Variants in SERGEF observed in about 807,000 individuals in gnomAD.
The protein encoded by SERGEF is secretion-regulating guanine nucleotide exchange factor.
SERGEF carries 51 observed loss-of-function variants against 50.0 expected under a neutral mutation model. That is an observed-to-expected ratio of 1.02 (90% confidence interval 0.81 to 1.29). SERGEF has a LOEUF of 1.29. Ranked by LOEUF, SERGEF falls within the 50% of genes most tolerant of loss-of-function variation. SERGEF has a pLI of 0.00. For missense variants in SERGEF, 521 were observed against 557.0 expected (o/e 0.94, Z 0.65); for synonymous variants, 205 against 212.4 (o/e 0.97, Z 0.30).
intron 10 of SERGEF, among the ~76,000 whole-genome samples, chr11:17,848,827 C>A (rs1448823775): frequency 6.6e-6 from 1 of 152,130 alleles, no homozygotes; most frequent in East Asian, 1.9e-4. Flanking sequence ...ATCTTCAAGG[C>A]TCTTGATAAT....
At chr11:17,902,336 G>A (rs944370822) in intron 9 of SERGEF, among the ~76,000 whole-genome samples, 1 of 152,196 alleles carries the variant, frequency 6.6e-6, no homozygotes. Flanking sequence ...AGGACCAGAA[G>A]ATCACTAAGA....
intron 9 of SERGEF, among the ~76,000 whole-genome samples, chr11:17,918,366 C>T (rs895144392): frequency 6.6e-6 from 1 of 152,312 alleles, no homozygotes; most frequent in Non-Finnish European, 1.5e-5. Flanking sequence ...AATTACAGCA[C>T]CAGAAGGTAG....
chr11:17,808,522 C>T (rs1849806340), intron 10 of SERGEF, among the ~76,000 whole-genome samples: 2 of 152,224 alleles, frequency 1.3e-5, no homozygotes, highest in Admixed American at 1.3e-4. Context: ...CAAGAGGGAT[C>T]TGCCCTCATG....
intron 8 of SERGEF, among the ~76,000 whole-genome samples, chr11:17,964,588 A>G (rs551546886): frequency 2.6e-5 from 4 of 152,348 alleles, no homozygotes; most frequent in African/African-American, 9.6e-5. Context: ...GATGTTATAA[A>G]AAGAAAATCC....
intron 9 of SERGEF, among the ~76,000 whole-genome samples, chr11:17,886,836 C>A (rs1851439148): frequency 6.6e-6 from 1 of 152,156 alleles, no homozygotes; most frequent in South Asian, 2.1e-4. Context: ...ATGTCTTCAT[C>A]ATAAATGGCC....
At chr11:17,881,048 G>A (rs192544425) in intron 9 of SERGEF, among the ~76,000 whole-genome samples, 1 of 152,246 alleles carries the variant, frequency 6.6e-6, no homozygotes, top group East Asian at 1.9e-4. Flanking sequence ...GCTTATTTGA[G>A]ACATAAGGAG....
In SERGEF at chr11:18,007,870, G is replaced by A; in HGVS notation, c.196+71C>T. 2 of 1,407,958 alleles carry A rather than the reference G, an allele frequency of 1.4e-6. 1 individual carries two copies. Among genetic ancestry groups the A allele is most frequent in the South Asian group, 2.8e-5 (2 of 72,584 alleles). The allele number at this position is 1,407,958 out of a possible 1,614,324, so 87.2% of individuals were successfully genotyped here. A position where few individuals can be genotyped will look rare whatever the true frequency, so the allele number is the denominator to read the frequency against. Reference sequence around the variant, plus strand: ...TGCAAAATACAAAAGGCTGAAAGATGGCAATATCATATCCAGGGGAAAACG... The same window carrying A: ...TGCAAAATACAAAAGGCTGAAAGATAGCAATATCATATCCAGGGGAAAACG... On this transcript the variant is annotated intron_variant, in intron 2 of 10. Transcript: ENST00000265965.
intron 9 of SERGEF, among the ~76,000 whole-genome samples, chr11:17,887,203 G>A (rs1436488799): frequency 6.6e-6 from 1 of 152,080 alleles, no homozygotes; most frequent in African/African-American, 2.4e-5. Flanking sequence ...AGTTGCCTTG[G>A]GTTCTAAATG....
intron 9 of SERGEF, among the ~76,000 whole-genome samples, chr11:17,940,313 G>A (rs1162886583): frequency 6.6e-6 from 1 of 152,088 alleles, no homozygotes; most frequent in Non-Finnish European, 1.5e-5. Flanking sequence ...AGGAAAAGAC[G>A]GTGCATGGTG....
chr11:17,911,559 C>T (rs1293680838), intron 9 of SERGEF, among the ~76,000 whole-genome samples: 2 of 151,700 alleles, frequency 1.3e-5, no homozygotes, highest in East Asian at 3.9e-4. Flanking sequence ...AGCACGATGG[C>T]TCACTGTAAT....
At chr11:17,847,342 T>G (rs1850632806) in intron 10 of SERGEF, among the ~76,000 whole-genome samples, 1 of 152,070 alleles carries the variant, frequency 6.6e-6, no homozygotes, top group Non-Finnish European at 1.5e-5. Context: ...CTGGGGTTCC[T>G]TTATTTGGGG....
intron 9 of SERGEF, among the ~76,000 whole-genome samples, chr11:17,936,573 G>A (rs1002927754): frequency 2.2e-4 from 33 of 152,020 alleles, no homozygotes; most frequent in Middle Eastern, 3.4e-3. Flanking sequence ...TTCTAATAAA[G>A]AAGGCTGGCC....
At chr11:17,902,521 C>G (rs2133921566) in intron 9 of SERGEF, among the ~76,000 whole-genome samples, 1 of 152,262 alleles carries the variant, frequency 6.6e-6, no homozygotes, top group Non-Finnish European at 1.5e-5. Flanking sequence ...AGCTGAATCA[C>G]AGAGAACCCC....
At chr11:17,799,354 G>T (rs1433254345) in intron 10 of SERGEF, among the ~76,000 whole-genome samples, 1 of 152,194 alleles carries the variant, frequency 6.6e-6, no homozygotes, top group African/African-American at 2.4e-5. Context: ...GTTTCTGGAG[G>T]ACTTGTTCTC....
At chr11:17,977,155 T>C (rs1045481833) in intron 8 of SERGEF, among the ~76,000 whole-genome samples, 6 of 152,340 alleles carry the variant, frequency 3.9e-5, no homozygotes, top group South Asian at 2.1e-4. Context: ...AATCCAGGGA[T>C]GAATAAAGCA....
intron 10 of SERGEF, among the ~76,000 whole-genome samples, chr11:17,834,130 T>C (rs1197258524): frequency 2.0e-5 from 3 of 152,192 alleles, no homozygotes; most frequent in African/African-American, 4.8e-5. Flanking sequence ...GACAAGGACC[T>C]GGTGGGAGGT....
At chr11:17,875,406 T>G (rs774675833) in intron 10 of SERGEF, among the ~76,000 whole-genome samples, 19 of 152,232 alleles carry the variant, frequency 1.2e-4, no homozygotes, top group Non-Finnish European at 2.4e-4. Context: ...GGGATTAGTT[T>G]AAAATGCCAT....
chr11:17,957,669 G>C (rs937054590), intron 9 of SERGEF, among the ~76,000 whole-genome samples: 3 of 151,364 alleles, frequency 2.0e-5, no homozygotes, highest in African/African-American at 7.3e-5. Context: ...CCGGACCTTT[G>C]CCCTTGTCAT....
chr11:17,885,170 G>C (rs1471550500), intron 9 of SERGEF, among the ~76,000 whole-genome samples: 1 of 152,152 alleles, frequency 6.6e-6, no homozygotes, highest in Non-Finnish European at 1.5e-5. Flanking sequence ...TATTTAGGCT[G>C]TCTCCAGATC....
Sources: gnomAD v4.1 joint callset for allele counts (sites outside exome capture counted in the v4.1 genomes callset) on GRCh38, gnomAD v4.1.1 for gene constraint, MANE v1.5 for transcripts, NCBI Gene and HGNC (gene_info 2026-07-23, HGNC 2026-07-21) for gene names.